Variants in RTKN observed in about 807,000 individuals in gnomAD.
RTKN encodes the protein rhotekin.
A neutral mutation model predicts 63.5 loss-of-function variants in RTKN; 49 were observed. The ratio of observed to expected loss-of-function variants is 0.77; its 90% CI spans 0.61 to 0.98. The LOEUF is 0.98. Ranked by LOEUF, RTKN falls within the 50% of genes least tolerant of loss-of-function variation. The pLI, the probability that RTKN is intolerant of heterozygous loss-of-function variation, is 0.00. For missense variants in RTKN, 685 were observed against 740.8 expected (o/e 0.92, Z 0.87); for synonymous variants, 295 against 290.4 (o/e 1.02, Z -0.16).
chr2:74,429,753 A>G (rs1040913284), intron 6 of RTKN, 75 bp downstream of exon 6: 1 of 1,411,258 alleles, frequency 7.1e-7, no homozygotes, highest in Non-Finnish European at 9.9e-7. Context: ...GGTTCTGCAC[A>G]CTCAACACAG....
At position 74,428,955 on chromosome 2, in the gene RTKN, G is replaced by C. The variant is rs551632720; in HGVS notation, c.756-13C>G. ...GTAACGAGGACCACTGAGGGAGATA[G>C]GAGAGAGCATCAGCCAAGGGAGGGG... On this transcript the variant is annotated splice_polypyrimidine_tract_variant and intron_variant, in intron 6 of 11. Coordinates refer to ENST00000272430, the MANE Select transcript of RTKN (RefSeq NM_001015055.2). 6.2e-7 allele frequency: 1 copy of C among 1,608,760 alleles called. No homozygotes were observed. Among genetic ancestry groups the C allele is most frequent in the Admixed American group, 1.7e-5 (1 of 59,984 alleles).
intron 1 of RTKN, among the ~76,000 whole-genome samples, chr2:74,434,468 CG>C (rs1558547898): frequency 1.3e-5 from 2 of 151,976 alleles, no homozygotes; most frequent in Non-Finnish European, 2.9e-5. Context: ...TTAGTAGAGA[CG>C]GGGTTGCACC....
chr2:74,427,269 T>A lies in RTKN; in HGVS notation c.1260A>T (p.Gln420His), dbSNP rs758277869. The A allele has an allele frequency of 1.2e-6, 2 of 1,614,014 alleles. No homozygotes were observed. Among genetic ancestry groups the A allele is most frequent in the East Asian group, 4.5e-5 (2 of 44,880 alleles). Residue 420 changes from glutamine (Q) to histidine (H), a missense_variant, in exon 11 of 12, where the codon CAA becomes CAT. Gln to His is a conservative substitution (Grantham distance 24). Coordinates refer to ENST00000272430, the MANE Select transcript of RTKN (RefSeq NM_001015055.2). The stretch of plus-strand genomic sequence containing the variant: ...TGATTTCATCACAGCACTGCTTCCA[T>A]TGGCCTGGAAGAAGAGCGCTGATTA... ...ALWQLFFDMS[Q>H]WKQCCDEIMK...
At chr2:74,440,823 G>A (rs547856875) in intron 1 of RTKN, among the ~76,000 whole-genome samples, 1 of 152,276 alleles carries the variant, frequency 6.6e-6, no homozygotes, top group Non-Finnish European at 1.5e-5. Context: ...CAGGCTGGAG[G>A]GAAAGGGCAG....
At chr2:74,435,390 GGTA>G (rs1179842613) in intron 1 of RTKN, among the ~76,000 whole-genome samples, 1 of 152,184 alleles carries the variant, frequency 6.6e-6, no homozygotes, top group Admixed American at 6.5e-5. Flanking sequence ...CCCAGCATGT[GGTA>G]TACATTAATG....
In RTKN at chr2:74,428,657, T is replaced by C. The variant is rs1303676610; in HGVS notation, c.931A>G (p.Thr311Ala). ...AAQPLCMTQP[T>A]ASGTLRVQQA... ...TGCACCCTGAGGGTACCACTTGCAG[T>C]GGGCTGAGTCATGCAGAGAGGCTGA... The change falls in exon 8 of 12, where the codon ACT becomes GCT. Residue 311 changes from threonine to alanine, a missense_variant. Coordinates refer to ENST00000272430, the MANE Select transcript of RTKN (RefSeq NM_001015055.2). The C allele has an allele frequency of 6.2e-7, 1 of 1,613,828 alleles. No homozygotes were observed. The highest frequency in any genetic ancestry group is 8.5e-7 in the Non-Finnish European group (1 of 1,179,920).
chr2:74,432,941 A>T (rs1039137774), intron 1 of RTKN, among the ~76,000 whole-genome samples: 1 of 152,050 alleles, frequency 6.6e-6, no homozygotes, highest in East Asian at 1.9e-4. Context: ...GTGAGACCCC[A>T]CCTCTAAAAA....
chr2:74,426,248 C>A lies in RTKN; in HGVS notation c.1687G>T (p.Val563Leu). 6.2e-7 allele frequency: 1 copy of A among 1,613,816 alleles called. No homozygotes were observed. The highest frequency in any genetic ancestry group is 8.5e-7 in the Non-Finnish European group (1 of 1,179,728). Residue 563 changes from valine to leucine, a missense_variant, in exon 12 of 12, where the codon GTG becomes TTG. Transcript: ENST00000272430. ...GQPRTWLQSP[V>L] is the part of the protein sequence containing the mutation. ...TATGCCAGCACCTTTCTCTCTCACA[C>A]TGGTGACTGGAGCCAAGTGCGAGGT...
intron 2 of RTKN, among the ~76,000 whole-genome samples, chr2:74,431,404 G>A (rs61509522): frequency 0.024 from 3,676 of 152,172 alleles, 140 homozygotes; most frequent in African/African-American, 0.084. Flanking sequence ...TTCCTGAAGC[G>A]ACTGCCAGTT....
At chr2:74,428,580 G>T in intron 8 of RTKN, 51 bp downstream of exon 8, 1 of 1,554,388 alleles carries the variant, frequency 6.4e-7, no homozygotes, top group Non-Finnish European at 8.8e-7. Context: ...TGGTTATCCA[G>T]CTCTCCTCTG....
rs1670465036 is a variant in RTKN at position 74,427,448 on chromosome 2, G to A, written c.1231C>T (p.Leu411=). 1.2e-6 allele frequency: 2 copies of A among 1,614,190 alleles called. No homozygotes were observed. Among genetic ancestry groups the A allele is most frequent in the East Asian group, 2.2e-5 (1 of 44,888 alleles). The change falls in exon 10 of 12, where the codon CTG becomes TTG. Residue 411 remains leucine, a synonymous_variant. Transcript: ENST00000272430. ...REALQSWMEA[L]WQLFFDMSQW... is the part of the protein sequence containing the mutation. ...CTCATGTCAAAGAAAAGCTGCCACAGAGCCTCCATCCAGCTCTGCAGTGCT... is the reference window on the plus strand; with the variant it reads ...CTCATGTCAAAGAAAAGCTGCCACAAAGCCTCCATCCAGCTCTGCAGTGCT...
chr2:74,435,611 G>A (rs1671013185), intron 1 of RTKN, among the ~76,000 whole-genome samples: 2 of 152,182 alleles, frequency 1.3e-5, no homozygotes. Flanking sequence ...TCTGGCTGAG[G>A]TGATCAAGGA....
intron 1 of RTKN, among the ~76,000 whole-genome samples, chr2:74,435,797 C>T (rs1671021591): frequency 6.6e-6 from 1 of 152,206 alleles, no homozygotes; most frequent in Non-Finnish European, 1.5e-5. Context: ...CCTAGTGGCT[C>T]CAGCCTTCAA....
chr2:74,429,858 C>A lies in RTKN; in HGVS notation c.725G>T (p.Ser242Ile). Residue 242 changes from serine to isoleucine, a missense_variant, in exon 6 of 12, where the codon AGT becomes ATT. Physicochemically the swap from Ser to Ile is moderately radical, Grantham distance 142. Transcript: ENST00000272430. ...SLDSAGGSGS[S>I]PILLPTPVVG... ...AACTGGGGTGGGGAGCAAGATGGGA[C>A]TGCTCCCTGAACCCCCAGCACTGTC... 1.2e-6 allele frequency: 2 copies of A among 1,614,090 alleles called. No homozygotes were observed. The highest frequency in any genetic ancestry group is 1.7e-4 in the Middle Eastern group (1 of 5,966).
intron 1 of RTKN, chr2:74,440,459 A>G: frequency 1.0e-6 from 1 of 986,776 alleles, no homozygotes; most frequent in Non-Finnish European, 1.2e-6. Context: ...CAGACAGGAA[A>G]CCAGCCCCGA....
intron 1 of RTKN, among the ~76,000 whole-genome samples, chr2:74,438,955 G>A (rs1328437598): frequency 1.3e-5 from 2 of 152,206 alleles, no homozygotes; most frequent in Non-Finnish European, 1.5e-5. Context: ...GTCGAAAAGA[G>A]CTTGGCAGAT....
At chr2:74,427,024 A>C in intron 11 of RTKN, 145 bp downstream of exon 11, 1 of 1,443,828 alleles carries the variant, frequency 6.9e-7, no homozygotes, top group Non-Finnish European at 9.1e-7. Context: ...AGAAAAGAAC[A>C]CACAAGATTG....
chr2:74,432,287 A>C, intron 2 of RTKN, 180 bp downstream of exon 2: 4 of 729,450 alleles, frequency 5.5e-6, no homozygotes, highest in Non-Finnish European at 9.9e-6. Context: ...GCTACTCACA[A>C]ATGCGCCTCT....
At chr2:74,432,158 A>G in intron 2 of RTKN, 1 of 499,092 alleles carries the variant, frequency 2.0e-6, no homozygotes, top group Non-Finnish European at 3.7e-6. Context: ...CAAAAGCCAG[A>G]TAGCCAGTCT....
Sources: allele counts gnomAD v4.1 joint callset (sites outside exome capture counted in the v4.1 genomes callset), GRCh38; gene constraint gnomAD v4.1.1; transcripts MANE v1.5; gene names NCBI Gene and HGNC (gene_info 2026-07-23, HGNC 2026-07-21).